Variants in ELOVL5 observed in about 807,000 individuals in gnomAD.
ELOVL5 encodes ELOVL fatty acid elongase 5.
A neutral mutation model predicts 38.6 loss-of-function variants in ELOVL5; 8 were observed. The observed-to-expected ratio is 0.21, with a 90% CI of 0.12 to 0.37. The LOEUF (loss-of-function observed/expected upper bound fraction) is 0.37. Among genes scored for constraint, ELOVL5 ranks in the 10% least tolerant of loss-of-function variants. ELOVL5 has a pLI of 1.00. For synonymous variants in ELOVL5, 127 were observed against 133.7 expected (o/e 0.95, Z 0.34); for missense variants, 280 against 367.8 (o/e 0.76, Z 1.95).
At chr6:53,305,988 G>A (rs1173752651) in intron 1 of ELOVL5, among the ~76,000 whole-genome samples, 1 of 151,876 alleles carries the variant, frequency 6.6e-6, no homozygotes, top group Non-Finnish European at 1.5e-5. Context: ...GATCACTCGC[G>A]GTTAGGAGCT....
intron 3 of ELOVL5, among the ~76,000 whole-genome samples, chr6:53,284,030 A>G (rs1483012492): frequency 1.3e-5 from 2 of 151,676 alleles, no homozygotes; most frequent in African/African-American, 2.4e-5. Flanking sequence ...GTGAGGCCAG[A>G]TGTGGTGGCT....
chr6:53,343,734 CTACT>C (rs1271606071), intron 1 of ELOVL5, among the ~76,000 whole-genome samples: 2 of 152,306 alleles, frequency 1.3e-5, no homozygotes, highest in East Asian at 1.9e-4. Context: ...ATGAGGCACC[CTACT>C]TAAACAATCA....
intron 3 of ELOVL5, among the ~76,000 whole-genome samples, chr6:53,284,220 C>T (rs936009501): frequency 5.3e-5 from 8 of 151,986 alleles, no homozygotes; most frequent in African/African-American, 1.9e-4. Context: ...GCAGGAAGAT[C>T]ACTTGTGCCC....
At chr6:53,280,257 C>T (rs371749919) in intron 3 of ELOVL5, among the ~76,000 whole-genome samples, 3 of 152,300 alleles carry the variant, frequency 2.0e-5, no homozygotes, top group East Asian at 1.9e-4. Context: ...AATGAAAAAG[C>T]AGGCCATCAC....
chr6:53,310,103 T>G (rs909926656), intron 1 of ELOVL5, among the ~76,000 whole-genome samples: 2 of 152,204 alleles, frequency 1.3e-5, no homozygotes, highest in Non-Finnish European at 2.9e-5. Context: ...TTCCTTTTGG[T>G]TACCACACAT....
At chr6:53,304,655 C>T (rs1767407467) in intron 1 of ELOVL5, among the ~76,000 whole-genome samples, 1 of 152,156 alleles carries the variant, frequency 6.6e-6, no homozygotes, top group Admixed American at 6.5e-5. Flanking sequence ...CTTCAAGCAT[C>T]TGTTTAACAA....
At chr6:53,306,661 G>C (rs762826930) in intron 1 of ELOVL5, among the ~76,000 whole-genome samples, 40 of 152,232 alleles carry the variant, frequency 2.6e-4, no homozygotes, top group Non-Finnish European at 5.1e-4. Context: ...GTCAAGACAA[G>C]GACCATTTAC....
intron 1 of ELOVL5, among the ~76,000 whole-genome samples, chr6:53,334,450 T>C (rs954557254): frequency 6.6e-6 from 1 of 152,192 alleles, no homozygotes; most frequent in Non-Finnish European, 1.5e-5. Context: ...TAACCTATTT[T>C]ATTTTTATTA....
At chr6:53,347,708 C>T (rs1305334907) in intron 1 of ELOVL5, among the ~76,000 whole-genome samples, 1 of 152,188 alleles carries the variant, frequency 6.6e-6, no homozygotes, top group African/African-American at 2.4e-5. Flanking sequence ...CTGGATTCTT[C>T]CGAAAGAGAC....
intron 1 of ELOVL5, among the ~76,000 whole-genome samples, chr6:53,311,105 GTCTGGTGC>G (rs1445170934): frequency 6.6e-6 from 1 of 152,138 alleles, no homozygotes; most frequent in Non-Finnish European, 1.5e-5. Context: ...TTCACATCAA[GTCTGGTGC>G]TCTGGCAGGA....
intron 1 of ELOVL5, among the ~76,000 whole-genome samples, chr6:53,332,291 C>G (rs182707228): frequency 6.6e-6 from 1 of 152,296 alleles, no homozygotes; most frequent in Admixed American, 6.5e-5. Flanking sequence ...CCCAATCAGC[C>G]AAACAGGAGT....
At position 53,310,274 on chromosome 6, in the gene ELOVL5, C is replaced by G. The variant is rs534874779; in HGVS notation, c.-8-14567G>C. On this transcript the variant is annotated intron_variant, in intron 1 of 7. Coordinates refer to ENST00000304434, the MANE Select transcript of ELOVL5 (RefSeq NM_021814.5). ...TTGTTACTAGCCTGAGACAAGGGATCTAACATTTACTAAGAGCCTACTACG... is the reference window on the plus strand; with the variant it reads ...TTGTTACTAGCCTGAGACAAGGGATGTAACATTTACTAAGAGCCTACTACG... 3.9e-5 allele frequency among the ~76,000 whole-genome samples: 6 copies of G among 152,320 alleles called. No individual in the cohort carries two copies. The East Asian group carries it at 9.6e-4, about 24-fold the overall frequency.
At chr6:53,344,127 A>T (rs889670653) in intron 1 of ELOVL5, among the ~76,000 whole-genome samples, 6 of 152,266 alleles carry the variant, frequency 3.9e-5, no homozygotes, top group African/African-American at 1.4e-4. Flanking sequence ...GCAGAAAGGC[A>T]ACCAAAAAAA....
intron 6 of ELOVL5, 43 bp downstream of exon 6, chr6:53,273,177 C>T: frequency 2.5e-6 from 4 of 1,608,632 alleles, no homozygotes; most frequent in South Asian, 1.1e-5. Context: ...AGGTCTGTAT[C>T]CACCAGGAAG....
intron 3 of ELOVL5, chr6:53,287,760 T>C (rs1766626379): frequency 2.0e-6 from 2 of 1,024,470 alleles, no homozygotes; most frequent in East Asian, 5.2e-5. Context: ...ACAGATCGGC[T>C]AAGAAAGGCC....
At chr6:53,347,413 G>A (rs900429834) in intron 1 of ELOVL5, among the ~76,000 whole-genome samples, 1 of 152,210 alleles carries the variant, frequency 6.6e-6, no homozygotes, top group Non-Finnish European at 1.5e-5. Flanking sequence ...TAAAATGTTT[G>A]TCCACGGCCA....
chr6:53,290,715 C>A (rs1224580619), intron 3 of ELOVL5, among the ~76,000 whole-genome samples: 1 of 152,202 alleles, frequency 6.6e-6, no homozygotes, highest in African/African-American at 2.4e-5. Flanking sequence ...CTCTGATAAT[C>A]AAATATGCCT....
chr6:53,295,809 G>T, intron 1 of ELOVL5, 102 bp from the exon 2 acceptor site: 1 of 727,524 alleles, frequency 1.4e-6, no homozygotes, highest in Non-Finnish European at 2.1e-6. Flanking sequence ...ATATGCTACA[G>T]ACAAGGTTAA....
Position 53,275,273 on chromosome 6 carries a change from G to C in ELOVL5, c.325-12C>G. On this transcript the variant is annotated splice_polypyrimidine_tract_variant and intron_variant, in intron 4 of 7. Coordinates refer to ENST00000304434, the MANE Select transcript of ELOVL5 (RefSeq NM_021814.5). ...AGGACACGGATAATCTAAGAGGAAA[G>C]GGTCAAAGATTTAAGGCTTATCCTC... 1 of 1,613,556 alleles carries C rather than the reference G, an allele frequency of 6.2e-7. No individual in the cohort carries two copies. Among genetic ancestry groups the C allele is most frequent in the Non-Finnish European group, 8.5e-7 (1 of 1,179,500 alleles).
Sources: gnomAD v4.1 joint callset for allele counts (sites outside exome capture counted in the v4.1 genomes callset) on GRCh38, gnomAD v4.1.1 for gene constraint, MANE v1.5 for transcripts, NCBI Gene and HGNC (gene_info 2026-07-23, HGNC 2026-07-21) for gene names.